CRYBG1: variants seen among roughly 807,000 people sequenced by gnomAD.
The protein encoded by CRYBG1 is beta/gamma crystallin domain-containing protein 1.
CRYBG1 carries 139 observed loss-of-function variants against 189.2 expected under a neutral mutation model. That is an observed-to-expected ratio of 0.73 (90% CI 0.64 to 0.85). The LOEUF (loss-of-function observed/expected upper bound fraction) is 0.85. Among genes scored for constraint, CRYBG1 ranks in the 40% least tolerant of loss-of-function variants. The pLI is 0.00. For missense variants in CRYBG1, 2,611 were observed against 2,675.8 expected (o/e 0.98, Z 0.53); for synonymous variants, 1,023 against 1,017.1 (o/e 1.01, Z -0.11).
chr6:106,377,480 A>G (rs1444505874), intron 1 of CRYBG1, among the ~76,000 whole-genome samples: 1 of 152,062 alleles, frequency 6.6e-6, no homozygotes, highest in Non-Finnish European at 1.5e-5. Context: ...AATACTTCAC[A>G]GGCCTTTTAA....
intron 1 of CRYBG1, among the ~76,000 whole-genome samples, chr6:106,445,494 T>C: frequency 6.6e-6 from 1 of 152,258 alleles, no homozygotes; most frequent in East Asian, 1.9e-4. Context: ...CTGATAAATA[T>C]GCTAGCTCAA....
chr6:106,536,096 A>G (rs1773999035), intron 8 of CRYBG1, among the ~76,000 whole-genome samples: 2 of 152,238 alleles, frequency 1.3e-5, no homozygotes, highest in African/African-American at 4.8e-5. Context: ...GATTTAGGCC[A>G]GCTGTCTTAG....
intron 2 of CRYBG1, among the ~76,000 whole-genome samples, chr6:106,482,550 TGA>T (rs1772489179): frequency 1.3e-5 from 2 of 151,398 alleles, no homozygotes; most frequent in Admixed American, 1.3e-4. Flanking sequence ...CCGAGGGGGG[TGA>T]ATCACAAGGT....
intron 1 of CRYBG1, among the ~76,000 whole-genome samples, chr6:106,384,639 A>C (rs924266406): frequency 6.6e-6 from 1 of 152,108 alleles, no homozygotes; most frequent in African/African-American, 2.4e-5. Context: ...CATGCTTCTC[A>C]GTGCTTTTGT....
chr6:106,480,908 T>A, intron 2 of CRYBG1, among the ~76,000 whole-genome samples: 1 of 147,240 alleles, frequency 6.8e-6, no homozygotes, highest in Non-Finnish European at 1.5e-5. Context: ...GAGGCGGAGG[T>A]TGCAGTGAGC....
chr6:106,420,721 A>G (rs533845058), intron 1 of CRYBG1: 16 of 153,244 alleles, frequency 1.0e-4, no homozygotes, highest in African/African-American at 3.8e-4. Flanking sequence ...GTCTGAGTGC[A>G]GTGGTGTTTA....
At chr6:106,410,986 A>G (rs763803032) in intron 1 of CRYBG1, among the ~76,000 whole-genome samples, 1 of 152,210 alleles carries the variant, frequency 6.6e-6, no homozygotes, top group African/African-American at 2.4e-5. Flanking sequence ...CGTTCTGCAC[A>G]TGTATCCCAG....
chr6:106,544,694 A>T lies in CRYBG1; in HGVS notation c.5163A>T (p.Leu1721Phe). The change falls in exon 12 of 22, where the codon TTA becomes TTT. Residue 1721 changes from leucine to phenylalanine, a missense_variant. Coordinates refer to ENST00000633556, the MANE Select transcript of CRYBG1 (RefSeq NM_001371242.2). ...AGCTTCAGTCTTTACGACCTATATTAGGTGTAAGTAAAGGACAAGCTAATG... is the reference window on the plus strand; with the variant it reads ...AGCTTCAGTCTTTACGACCTATATTTGGTGTAAGTAAAGGACAAGCTAATG... ...NGELQSLRPI[L>F]GDFSNAHMIM... is the part of the protein sequence containing the mutation. The T allele has an allele frequency of 6.2e-7, 1 of 1,613,436 alleles. No homozygotes were observed. Among genetic ancestry groups the T allele is most frequent in the African/African-American group, 1.3e-5 (1 of 74,990 alleles).
intron 2 of CRYBG1, among the ~76,000 whole-genome samples, chr6:106,478,641 C>A (rs1461157380): frequency 1.3e-5 from 2 of 152,204 alleles, no homozygotes; most frequent in Non-Finnish European, 2.9e-5. Context: ...GGCCCCCGAC[C>A]CCTGGACCAT....
intron 1 of CRYBG1, among the ~76,000 whole-genome samples, chr6:106,432,679 C>T (rs1003745599): frequency 7.2e-5 from 11 of 152,304 alleles, no homozygotes; most frequent in African/African-American, 2.2e-4. Flanking sequence ...CTGGTAGACT[C>T]TTGGCAATGT....
At chr6:106,472,124 C>T (rs1194715789) in intron 2 of CRYBG1, among the ~76,000 whole-genome samples, 1 of 152,052 alleles carries the variant, frequency 6.6e-6, no homozygotes, top group South Asian at 2.1e-4. Flanking sequence ...ACTGTTTCTG[C>T]TTTATGTTTT....
chr6:106,453,333 A>G (rs1771820532), intron 2 of CRYBG1, among the ~76,000 whole-genome samples: 1 of 152,202 alleles, frequency 6.6e-6, no homozygotes, highest in Admixed American at 6.5e-5. Flanking sequence ...TGGTAACTCA[A>G]AATAGCATAA....
intron 1 of CRYBG1, among the ~76,000 whole-genome samples, chr6:106,377,974 T>G (rs777348866): frequency 9.9e-5 from 15 of 152,186 alleles, no homozygotes; most frequent in South Asian, 2.1e-4. Flanking sequence ...CTAAATTCTT[T>G]GTGCTTCAGG....
Position 106,544,908 on chromosome 6 carries a change from C to G in CRYBG1, c.5287C>G (p.Gln1763Glu). Residue 1763 changes from glutamine (Q) to glutamate (E), a missense_variant, in exon 13 of 22, where the codon CAG becomes GAG. Physicochemically the swap from Gln to Glu is conservative, Grantham distance 29. Transcript: ENST00000633556. ...LKETGYGVKTQSINVLSGVWV... is the reference protein window; with the variant it reads ...LKETGYGVKTESINVLSGVWV... ...GGAGACTGGATATGGAGTGAAGACACAGTCTATTAATGTACTGAGTGGAGT... is the reference window on the plus strand; with the variant it reads ...GGAGACTGGATATGGAGTGAAGACAGAGTCTATTAATGTACTGAGTGGAGT... The G allele has an allele frequency of 6.2e-7, 1 of 1,612,408 alleles. No homozygotes were observed. The highest frequency in any genetic ancestry group is 1.1e-5 in the South Asian group (1 of 90,650).
At chr6:106,543,415 C>A in intron 10 of CRYBG1, 25 bp from the exon 11 acceptor site, 2 of 1,583,254 alleles carry the variant, frequency 1.3e-6, no homozygotes, top group Non-Finnish European at 1.7e-6. Flanking sequence ...TTACAGATTA[C>A]TGGTATATCT....
At chr6:106,455,712 A>C (rs920308384) in intron 2 of CRYBG1, among the ~76,000 whole-genome samples, 2 of 152,182 alleles carry the variant, frequency 1.3e-5, no homozygotes, top group African/African-American at 4.8e-5. Context: ...CCTCACATTC[A>C]AACAAGTAAA....
At chr6:106,523,485 C>A (rs1459379010) in intron 4 of CRYBG1, among the ~76,000 whole-genome samples, 1 of 152,028 alleles carries the variant, frequency 6.6e-6, no homozygotes, top group Non-Finnish European at 1.5e-5. Context: ...AAAATCAAGT[C>A]AAATGACATA....
Position 106,512,376 on chromosome 6 carries a change from G to A in CRYBG1, c.1259G>A (p.Arg420Lys), listed in dbSNP as rs766687826. 7.4e-6 allele frequency: 12 copies of A among 1,611,242 alleles called. No homozygotes were observed. In the Admixed American group the frequency reaches 2.0e-4, roughly 27 times the overall value. Reference sequence around the variant, plus strand: ...AGGTCCAGCGGCCGTAGGTCGGGGAGGCGGAGGGGGTCGCAGAAATCCACC... The same window carrying A: ...AGGTCCAGCGGCCGTAGGTCGGGGAAGCGGAGGGGGTCGCAGAAATCCACC... ...EKRSSGRRSGRRRGSQKSTDS... is the reference protein window; with the variant it reads ...EKRSSGRRSGKRRGSQKSTDS... Residue 420 changes from arginine to lysine, a missense_variant, in exon 3 of 22, where the codon AGG (arginine) becomes AAG (lysine). Around this residue, in one of 3 missense-constraint regions of CRYBG1, gnomAD observed 985 missense variants for 924.4 expected, o/e 1.07. Coordinates refer to ENST00000633556, the MANE Select transcript of CRYBG1 (RefSeq NM_001371242.2).
At chr6:106,388,175 T>C (rs925347244) in intron 1 of CRYBG1, among the ~76,000 whole-genome samples, 3 of 152,186 alleles carry the variant, frequency 2.0e-5, no homozygotes, top group Admixed American at 6.5e-5. Context: ...GCCACAATAG[T>C]AGAGGGGTAA....
Sources: allele counts gnomAD v4.1 joint callset (sites outside exome capture counted in the v4.1 genomes callset), GRCh38; gene constraint gnomAD v4.1.1; regional missense constraint gnomAD v4.1.1; transcripts MANE v1.5; gene names NCBI Gene and HGNC (gene_info 2026-07-23, HGNC 2026-07-21).